The following DACH1 variants were observed in gnomAD, a reference collection of about 807,000 sequenced individuals.
DACH1 encodes dachshund family transcription factor 1, also known as dachshund homolog 1.
Under a neutral mutation model 54.2 loss-of-function variants are expected in DACH1, and 12 were observed. That is an observed-to-expected ratio of 0.22 (90% CI 0.14 to 0.36). DACH1 has a LOEUF of 0.36. DACH1 is among the 10% of genes least tolerant of loss of function. DACH1 has a pLI of 1.00. For missense variants in DACH1, 805 were observed against 929.8 expected, an observed-to-expected ratio of 0.87 and a Z score of 1.75; for synonymous variants, 386 against 366.2, an observed-to-expected ratio of 1.05 and a Z score of -0.62.
rs1477399723 is a variant in DACH1 at position 71,816,094 on chromosome 13, AT to A, written c.848+49827del. On this transcript the variant is annotated intron_variant, in intron 1 of 10. Transcript: ENST00000613252. ...AGCGAGACTCCGTCTCCAAAAAAAAATAAAATAAAATAAAATAAGCTCAGAT... is the reference window on the plus strand; with the variant it reads ...AGCGAGACTCCGTCTCCAAAAAAAAAAAAATAAAATAAAATAAGCTCAGAT... Among the ~76,000 whole-genome samples the A allele has an allele frequency of 1.3e-3, 200 of 152,278 alleles. 1 individual carries two copies. Among genetic ancestry groups the A allele is most frequent in the African/African-American group, 4.5e-3 (188 of 41,544 alleles).
chr13:71,556,229 C>T (rs1026380489), intron 6 of DACH1, among the ~76,000 whole-genome samples: 3 of 151,872 alleles, frequency 2.0e-5, no homozygotes, highest in African/African-American at 7.3e-5. Context: ...AAAGAAATAC[C>T]CTTATTCACA....
rs568780811 is a variant in DACH1, at chr13:71,612,682, G to T, written c.1126+17874C>A. Among the ~76,000 whole-genome samples, 5 of 152,250 alleles carry T rather than the reference G, an allele frequency of 3.3e-5. No individual in the cohort carries two copies. In the East Asian group the frequency reaches 9.6e-4, roughly 29 times the overall value. On this transcript the variant is annotated intron_variant, in intron 3 of 10. Coordinates refer to ENST00000613252, the MANE Select transcript of DACH1 (RefSeq NM_080759.6). ...TAACGTTTTATGTTCCAGATTAAAT[G>T]AAAAGAATAAGTAAATGTAGACGTG...
At chr13:71,557,891 C>G (rs1593891132) in intron 5 of DACH1, among the ~76,000 whole-genome samples, 1 of 143,820 alleles carries the variant, frequency 7.0e-6, no homozygotes, top group South Asian at 2.2e-4. Flanking sequence ...GACTAAGGAA[C>G]TGTTCCAGAT....
intron 6 of DACH1, among the ~76,000 whole-genome samples, chr13:71,493,116 G>A (rs966653834): frequency 3.3e-5 from 5 of 151,288 alleles, no homozygotes; most frequent in African/African-American, 9.7e-5. Context: ...GTCACACCCT[G>A]TCTGGTCCTT....
intron 1 of DACH1, among the ~76,000 whole-genome samples, chr13:71,830,053 T>C (rs1594273940): frequency 1.3e-5 from 2 of 151,854 alleles, no homozygotes; most frequent in African/African-American, 2.4e-5. Context: ...TTTCTACTTA[T>C]AGGAAATCAG....
Position 71,757,540 on chromosome 13 carries a change from T to C in DACH1, c.849-75630A>G, listed in dbSNP as rs982645422. On this transcript the variant is annotated intron_variant, in intron 1 of 10. Transcript: ENST00000613252. ...AAAGGTACTTTTTTTTTTTTTTTTT[T>C]TGAGACAGAGTCTTGCTCTGTCGCC... Among the ~76,000 whole-genome samples the C allele has an allele frequency of 2.1e-4, 32 of 151,274 alleles. No homozygotes were observed. The East Asian group carries it at 6.2e-3, about 29-fold the overall frequency.
chr13:71,524,492 G>A (rs897187236), intron 6 of DACH1, among the ~76,000 whole-genome samples: 1 of 152,016 alleles, frequency 6.6e-6, no homozygotes, highest in African/African-American at 2.4e-5. Context: ...TTGGTCTTTC[G>A]ATACTGTAAT....
chr13:71,563,180 A>T (rs1419607064), intron 4 of DACH1, among the ~76,000 whole-genome samples: 1 of 152,090 alleles, frequency 6.6e-6, no homozygotes, highest in African/African-American at 2.4e-5. Context: ...ATATTTTTGT[A>T]TAAAGAGAAT....
At chr13:71,740,334 T>G (rs1043273547) in intron 1 of DACH1, among the ~76,000 whole-genome samples, 2 of 152,104 alleles carry the variant, frequency 1.3e-5, no homozygotes, top group Non-Finnish European at 2.9e-5. Flanking sequence ...AAAAATTACA[T>G]GATTTCAAGA....
chr13:71,630,394 T>C (rs921494488), intron 3 of DACH1, among the ~76,000 whole-genome samples, 162 bp downstream of exon 3: 5 of 152,208 alleles, frequency 3.3e-5, no homozygotes, highest in South Asian at 2.1e-4. Flanking sequence ...CAATTATCAT[T>C]AGTTGTTAGA....
chr13:71,799,894 A>G (rs1002810963), intron 1 of DACH1, among the ~76,000 whole-genome samples: 7 of 152,058 alleles, frequency 4.6e-5, no homozygotes, highest in South Asian at 2.1e-4. Context: ...TTGATTGTTC[A>G]TGTGTCTTAT....
chr13:71,681,054 T>A (rs921328001), intron 2 of DACH1, among the ~76,000 whole-genome samples: 11 of 151,902 alleles, frequency 7.2e-5, no homozygotes, highest in African/African-American at 2.2e-4. Context: ...ATATTCTATA[T>A]TATATAATAA....
chr13:71,800,240 A>C (rs1467325018), intron 1 of DACH1, among the ~76,000 whole-genome samples: 2 of 152,158 alleles, frequency 1.3e-5, no homozygotes, highest in South Asian at 4.1e-4. Context: ...AACATCTGAG[A>C]AAGGAACTAA....
intron 1 of DACH1, among the ~76,000 whole-genome samples, chr13:71,797,740 T>C (rs1468213233): frequency 1.3e-5 from 2 of 152,148 alleles, no homozygotes; most frequent in South Asian, 2.1e-4. Flanking sequence ...CTAAAGGCTC[T>C]GCAAGGATAT....
intron 3 of DACH1, among the ~76,000 whole-genome samples, chr13:71,578,054 C>T (rs187597198): frequency 6.6e-6 from 1 of 151,966 alleles, no homozygotes; most frequent in Admixed American, 6.6e-5. Context: ...AATATAAATG[C>T]CTTTTAAATT....
At chr13:71,708,811 C>G (rs974223430) in intron 1 of DACH1, among the ~76,000 whole-genome samples, 3 of 148,468 alleles carry the variant, frequency 2.0e-5, no homozygotes, top group African/African-American at 7.4e-5. Context: ...ATGATTATTA[C>G]TTTGTCAATA....
chr13:71,734,899 CAT>C (rs1883938556), intron 1 of DACH1, among the ~76,000 whole-genome samples: 1 of 142,108 alleles, frequency 7.0e-6, no homozygotes, highest in Admixed American at 7.2e-5. Context: ...ATCCCATATA[CAT>C]ATATGTATAT....
At chr13:71,709,942 G>A (rs1882630760) in intron 1 of DACH1, among the ~76,000 whole-genome samples, 1 of 152,022 alleles carries the variant, frequency 6.6e-6, no homozygotes, top group Non-Finnish European at 1.5e-5. Flanking sequence ...CGAATTTCTG[G>A]GCTCAATCGA....
At chr13:71,781,295 C>T (rs1886362193) in intron 1 of DACH1, among the ~76,000 whole-genome samples, 1 of 152,136 alleles carries the variant, frequency 6.6e-6, no homozygotes, top group Non-Finnish European at 1.5e-5. Context: ...AACTGTAACT[C>T]ACCTCTAGAG....
Sources: allele counts gnomAD v4.1 joint callset (sites outside exome capture counted in the v4.1 genomes callset), GRCh38; gene constraint gnomAD v4.1.1; transcripts MANE v1.5; gene names NCBI Gene and HGNC (gene_info 2026-07-23, HGNC 2026-07-21).